Variants in LAPTM4B observed in about 807,000 individuals in gnomAD.
The protein encoded by LAPTM4B is lysosomal-associated transmembrane protein 4B.
Under a neutral mutation model 28.5 loss-of-function variants are expected in LAPTM4B, and 26 were observed. The observed-to-expected ratio is 0.91, with a 90% confidence interval of 0.67 to 1.27. LAPTM4B has a LOEUF of 1.27. Among genes scored for constraint, LAPTM4B ranks in the 50% most tolerant of loss-of-function variants. LAPTM4B has a pLI of 0.00. For synonymous variants in LAPTM4B, 109 were observed against 106.4 expected (o/e 1.02, Z -0.15); for missense variants, 288 against 285.8 (o/e 1.01, Z -0.06).
chr8:97,814,051 G>A (rs1460749302), intron 2 of LAPTM4B, among the ~76,000 whole-genome samples: 4 of 152,158 alleles, frequency 2.6e-5, no homozygotes, highest in African/African-American at 9.7e-5. Flanking sequence ...TACCTGCCAA[G>A]TTGGTTTAAG....
At chr8:97,828,827 G>A (rs143133448) in intron 6 of LAPTM4B, among the ~76,000 whole-genome samples, 6 of 152,274 alleles carry the variant, frequency 3.9e-5, no homozygotes, top group East Asian at 3.9e-4. Flanking sequence ...CTCCTGTTCC[G>A]ATTGCGGCAG....
At chr8:97,777,137 G>GTGTTTTTTT (rs1816231868) in intron 1 of LAPTM4B, among the ~76,000 whole-genome samples, 1 of 83,840 alleles carries the variant, frequency 1.2e-5, no homozygotes, top group African/African-American at 4.7e-5. Context: ...TTTCAGTGAG[G>GTGTTTTTTT]TTTTTTTTTT....
intron 1 of LAPTM4B, among the ~76,000 whole-genome samples, chr8:97,798,337 G>C (rs992072091): frequency 2.0e-5 from 3 of 152,142 alleles, no homozygotes; most frequent in African/African-American, 7.2e-5. Flanking sequence ...TGGTGTGCCA[G>C]ATTCCCATCC....
chr8:97,823,356 GTTTT>G (rs72472850), intron 5 of LAPTM4B, among the ~76,000 whole-genome samples: 2 of 131,108 alleles, frequency 1.5e-5, no homozygotes, highest in African/African-American at 6.0e-5. Flanking sequence ...TTTTTTTTTT[GTTTT>G]TTTTTTGTTG....
At chr8:97,843,278 T>C (rs1408589959) in intron 6 of LAPTM4B, among the ~76,000 whole-genome samples, 1 of 151,894 alleles carries the variant, frequency 6.6e-6, no homozygotes, top group African/African-American at 2.4e-5. Context: ...ATACAAAAAA[T>C]TAGCTGGCTA....
Position 97,786,235 on chromosome 8 carries a change from GCAAA to G in LAPTM4B, c.99+10132_99+10135del, listed in dbSNP as rs113732445. ...CATTGTGCTTGACGGAAAGTAAAAA[GCAAA>G]CAAAGACCACACTTCTTCAGTTGCT... On this transcript the variant is annotated intron_variant, in intron 1 of 6. Coordinates refer to ENST00000521545, the MANE Select transcript of LAPTM4B (RefSeq NM_018407.6). Among the ~76,000 whole-genome samples, 8 of 152,252 alleles carry G rather than the reference GCAAA, an allele frequency of 5.3e-5. 1 individual carries two copies. The highest frequency in any genetic ancestry group is 1.9e-4 in the African/African-American group (8 of 41,574).
At chr8:97,783,001 G>A (rs929009283) in intron 1 of LAPTM4B, among the ~76,000 whole-genome samples, 24 of 147,632 alleles carry the variant, frequency 1.6e-4, no homozygotes, top group Non-Finnish European at 3.4e-4. Flanking sequence ...TCAAACTCCC[G>A]ACCTCAGGTG....
At chr8:97,818,757 A>G (rs999976961) in intron 4 of LAPTM4B, among the ~76,000 whole-genome samples, 1 of 151,940 alleles carries the variant, frequency 6.6e-6, no homozygotes, top group Non-Finnish European at 1.5e-5. Flanking sequence ...GCTGGAGTGC[A>G]GTGGCATGAT....
At chr8:97,848,678 C>G (rs1267941575) in intron 6 of LAPTM4B, among the ~76,000 whole-genome samples, 1 of 152,176 alleles carries the variant, frequency 6.6e-6, no homozygotes, top group Non-Finnish European at 1.5e-5. Context: ...TTAAGTAACT[C>G]TACTGTGTTT....
chr8:97,798,000 AAGTG>A (rs1237512326), intron 1 of LAPTM4B, among the ~76,000 whole-genome samples: 3 of 146,736 alleles, frequency 2.0e-5, no homozygotes, highest in African/African-American at 7.7e-5. Context: ...ACCCAAATAT[AAGTG>A]AGCATTAGCT....
intron 6 of LAPTM4B, among the ~76,000 whole-genome samples, chr8:97,845,357 T>A (rs896339333): frequency 1.3e-5 from 2 of 151,978 alleles, no homozygotes; most frequent in Non-Finnish European, 2.9e-5. Context: ...TTTTTTTTTT[T>A]AAACTTTTAC....
chr8:97,841,061 C>T (rs944422040), intron 6 of LAPTM4B, among the ~76,000 whole-genome samples: 7 of 149,540 alleles, frequency 4.7e-5, no homozygotes, highest in African/African-American at 1.7e-4. Context: ...CCTCACTTCC[C>T]AGACAGTGGG....
chr8:97,798,704 A>ATACCATGTGATGTGT (rs1490291051), intron 1 of LAPTM4B, among the ~76,000 whole-genome samples: 2 of 152,192 alleles, frequency 1.3e-5, no homozygotes, highest in Non-Finnish European at 2.9e-5. Flanking sequence ...CTGTTGTCAG[A>ATACCATGTGATGTGT]TACCATGTGA....
chr8:97,796,929 G>C (rs553468622), intron 1 of LAPTM4B, among the ~76,000 whole-genome samples: 1 of 151,986 alleles, frequency 6.6e-6, no homozygotes, highest in Admixed American at 6.6e-5. Context: ...GACAGAGTGA[G>C]ACTCTATCTC....
At chr8:97,836,815 ATTGTT>A (rs1817266208) in intron 6 of LAPTM4B, among the ~76,000 whole-genome samples, 1 of 152,098 alleles carries the variant, frequency 6.6e-6, no homozygotes, top group Non-Finnish European at 1.5e-5. Flanking sequence ...ATGCAAACTT[ATTGTT>A]TTAACTTCAA....
intron 4 of LAPTM4B, among the ~76,000 whole-genome samples, chr8:97,817,696 C>T (rs374896689): frequency 4.9e-4 from 74 of 151,468 alleles, no homozygotes; most frequent in Middle Eastern, 3.4e-3. Flanking sequence ...AGGATCCACC[C>T]TCATCGGCCT....
At chr8:97,783,822 CTT>C in intron 1 of LAPTM4B, among the ~76,000 whole-genome samples, 1 of 152,170 alleles carries the variant, frequency 6.6e-6, no homozygotes, top group East Asian at 1.9e-4. Flanking sequence ...GACATTAAAA[CTT>C]AAACCATCTG....
rs139511450 is a variant in LAPTM4B at position 97,792,564 on chromosome 8, AT to A, written c.100-12779del. On this transcript the variant is annotated intron_variant, in intron 1 of 6. Coordinates refer to ENST00000521545, the MANE Select transcript of LAPTM4B (RefSeq NM_018407.6). ...GCCGCCGTGCCTAGCCTAACAGTCAATTTTTTTTTTATTTTTTATTTTTTTC... is the reference window on the plus strand; with the variant it reads ...GCCGCCGTGCCTAGCCTAACAGTCAATTTTTTTTTATTTTTTATTTTTTTC... Among the ~76,000 whole-genome samples the A allele has an allele frequency of 9.8e-3, 1,478 of 150,260 alleles. 19 individuals are homozygous for A. The highest frequency in any genetic ancestry group is 0.034 in the African/African-American group (1,390 of 40,918).
chr8:97,815,488 T>C, intron 3 of LAPTM4B, 87 bp downstream of exon 3: 1 of 927,814 alleles, frequency 1.1e-6, no homozygotes, highest in Non-Finnish European at 1.7e-6. Context: ...GAAGTGACTT[T>C]CCAGTTTTCT....
Sources: allele counts gnomAD v4.1 joint callset (sites outside exome capture counted in the v4.1 genomes callset), GRCh38; gene constraint gnomAD v4.1.1; transcripts MANE v1.5; gene names NCBI Gene and HGNC (gene_info 2026-07-23, HGNC 2026-07-21).